Variants in CLPB observed in about 807,000 individuals in gnomAD.
The protein encoded by CLPB is mitochondrial disaggregase.
CLPB carries 40 observed loss-of-function variants against 78.4 expected under a neutral mutation model. The observed-to-expected ratio is 0.51, with a 90% CI of 0.40 to 0.66. CLPB has a LOEUF of 0.66. Ranked by LOEUF, CLPB falls within the 30% of genes least tolerant of loss-of-function variation. The pLI, the probability that CLPB is intolerant of heterozygous loss-of-function variation, is 0.00. For missense variants in CLPB, 780 were observed against 886.9 expected (o/e 0.88, Z 1.53); for synonymous variants, 333 against 348.0 (o/e 0.96, Z 0.48).
At chr11:72,419,829 T>C (rs1340440498) in intron 2 of CLPB, among the ~76,000 whole-genome samples, 1 of 152,194 alleles carries the variant, frequency 6.6e-6, no homozygotes, top group Non-Finnish European at 1.5e-5. Context: ...TTGTACTAGT[T>C]GTCATTTCGC....
intron 2 of CLPB, among the ~76,000 whole-genome samples, chr11:72,405,340 G>A (rs192239776): frequency 6.6e-6 from 1 of 152,336 alleles, no homozygotes; most frequent in Non-Finnish European, 1.5e-5. Flanking sequence ...CAGACTAGGA[G>A]GCTAAGGCAG....
intron 7 of CLPB, among the ~76,000 whole-genome samples, chr11:72,315,335 G>A (rs545856346): frequency 6.6e-6 from 1 of 152,310 alleles, no homozygotes; most frequent in South Asian, 2.1e-4. Flanking sequence ...GAGCTCCCAG[G>A]AAGTCTGCCC....
At chr11:72,329,842 C>T (rs375295532) in intron 5 of CLPB, 38 bp from the exon 6 acceptor site, 25 of 1,517,696 alleles carry the variant, frequency 1.6e-5, no homozygotes, top group South Asian at 3.4e-5. Flanking sequence ...GCTCTATGAA[C>T]GATCAGTGGG....
chr11:72,344,716 T>G (rs1950481413), intron 5 of CLPB, among the ~76,000 whole-genome samples: 1 of 152,112 alleles, frequency 6.6e-6, no homozygotes, highest in Non-Finnish European at 1.5e-5. Context: ...GGCTATATAT[T>G]AGAATCACAT....
chr11:72,372,166 T>G (rs1226215685), intron 4 of CLPB, among the ~76,000 whole-genome samples: 1 of 152,218 alleles, frequency 6.6e-6, no homozygotes, highest in African/African-American at 2.4e-5. Flanking sequence ...CCTTGGACTC[T>G]AAATAATATT....
intron 2 of CLPB, 72 bp from the exon 3 acceptor site, chr11:72,403,124 A>C (rs1855612596): frequency 1.4e-6 from 2 of 1,392,664 alleles, no homozygotes; most frequent in Admixed American, 1.7e-5. Context: ...GCCTAAAACA[A>C]GACAGAGGAA....
intron 3 of CLPB, among the ~76,000 whole-genome samples, chr11:72,389,916 C>T (rs1855195674): frequency 6.6e-6 from 1 of 152,000 alleles, no homozygotes; most frequent in Non-Finnish European, 1.5e-5. Context: ...GATTATCAGC[C>T]ATTCTCTCAA....
rs141516922 is a variant in CLPB, at chr11:72,300,903, C to G, written c.1329+900G>C. ...GGTGGAAGTCATCTTCTTCCGTGAT[C>G]GTAAGCAATCCCTCGCCTGGTTCAA... On this transcript the variant is annotated intron_variant, in intron 11 of 15. Transcript: ENST00000538039. Among the ~76,000 whole-genome samples, 165 of 152,272 alleles carry G rather than the reference C, an allele frequency of 1.1e-3. 1 individual carries two copies. The highest frequency in any genetic ancestry group is 8.1e-3 in the East Asian group (42 of 5,176).
rs1949534658 is a variant in CLPB at position 72,295,506 on chromosome 11, A to G, written c.1472T>C (p.Ile491Thr). The G allele has an allele frequency of 1.2e-6, 2 of 1,614,128 alleles. No individual in the cohort carries two copies. Among genetic ancestry groups the G allele is most frequent in the African/African-American group, 1.3e-5 (1 of 75,040 alleles). The change falls in exon 12 of 16, where the codon ATT becomes ACT. Residue 491 changes from isoleucine (I) to threonine (T), a missense_variant. By Grantham distance (89) the Ile-to-Thr change is moderately conservative. Coordinates refer to ENST00000538039, the MANE Select transcript of CLPB (RefSeq NM_001258392.3). ...QEALEMSRNR[I>T]AENLGDVQIS... ...AGCCGCCATACCCAGGTTTTCGGCA[A>G]TACGGTTACGGCTCATCTCCAAAGC...
At chr11:72,367,311 G>GT (rs1555100366) in intron 4 of CLPB, among the ~76,000 whole-genome samples, 2 of 152,098 alleles carry the variant, frequency 1.3e-5, no homozygotes, top group Non-Finnish European at 1.5e-5. Context: ...CTACAGGCGC[G>GT]TGCCACCACA....
At chr11:72,432,807 C>T (rs1002623999) in intron 1 of CLPB, among the ~76,000 whole-genome samples, 1 of 152,166 alleles carries the variant, frequency 6.6e-6, no homozygotes, top group Non-Finnish European at 1.5e-5. Flanking sequence ...CTCTCCCAGA[C>T]CAAAGTCCTT....
chr11:72,357,747 GGAA>G (rs1182889257), intron 5 of CLPB, among the ~76,000 whole-genome samples: 4 of 151,784 alleles, frequency 2.6e-5, no homozygotes, highest in Non-Finnish European at 5.9e-5. Flanking sequence ...GTCTCCCTGG[GGAA>G]GAAGGAGGTT....
At chr11:72,334,184 C>G (rs995638989) in intron 5 of CLPB, among the ~76,000 whole-genome samples, 1 of 152,176 alleles carries the variant, frequency 6.6e-6, no homozygotes, top group Non-Finnish European at 1.5e-5. Flanking sequence ...GTGCCATAAA[C>G]ATTGGCCACT....
At chr11:72,328,063 C>T (rs1189563921) in intron 6 of CLPB, among the ~76,000 whole-genome samples, 1 of 152,158 alleles carries the variant, frequency 6.6e-6, no homozygotes, top group African/African-American at 2.4e-5. Context: ...CTCTTCTTGG[C>T]CCCCCTTATG....
At chr11:72,317,675 C>T (rs968178093) in intron 6 of CLPB, among the ~76,000 whole-genome samples, 1 of 152,240 alleles carries the variant, frequency 6.6e-6, no homozygotes, top group East Asian at 1.9e-4. Flanking sequence ...TCTTGAAAAA[C>T]GTTTTGCTCA....
chr11:72,355,428 G>A (rs1950694333), intron 5 of CLPB: 1 of 152,204 alleles, frequency 6.6e-6, no homozygotes, highest in African/African-American at 2.4e-5. Context: ...CTGCCAGAAT[G>A]AGAGTTTGAT....
At chr11:72,346,988 T>TA (rs60688188) in intron 5 of CLPB, among the ~76,000 whole-genome samples, 12,985 of 60,166 alleles carry the variant, frequency 0.22, 932 homozygotes, top group African/African-American at 0.3. Context: ...TCTCAAAAAT[T>TA]AAAAAAAAAA....
In CLPB at chr11:72,302,284, C is replaced by G; in HGVS notation, c.1167+20G>C. 1 of 1,613,490 alleles carries G rather than the reference C, an allele frequency of 6.2e-7. No homozygotes were observed. Among genetic ancestry groups the G allele is most frequent in the Non-Finnish European group, 8.5e-7 (1 of 1,179,430 alleles). ...CAAGCCCTCCAAACCATGCTTCAAT[C>G]AAGGACTGTCATCACTCACCTCGTG... is the stretch of plus-strand genomic sequence containing the variant. On this transcript the variant is annotated intron_variant, in intron 10 of 15. Coordinates refer to ENST00000538039, the MANE Select transcript of CLPB (RefSeq NM_001258392.3).
At chr11:72,317,525 C>G (rs1949969872) in intron 6 of CLPB, among the ~76,000 whole-genome samples, 1 of 152,174 alleles carries the variant, frequency 6.6e-6, no homozygotes, top group Non-Finnish European at 1.5e-5. Flanking sequence ...GTGCTTATCA[C>G]CTGGAGCAAG....
Sources: allele counts gnomAD v4.1 joint callset (sites outside exome capture counted in the v4.1 genomes callset), GRCh38; gene constraint gnomAD v4.1.1; transcripts MANE v1.5; gene names NCBI Gene and HGNC (gene_info 2026-07-23, HGNC 2026-07-21).